PUS7: variants seen among roughly 807,000 people sequenced by gnomAD.
PUS7 encodes pseudouridine synthase 7, also known as pseudouridylate synthase 7 homolog.
Under a neutral mutation model 79.8 loss-of-function variants are expected in PUS7, and 48 were observed. The observed-to-expected ratio is 0.60, with a 90% CI of 0.48 to 0.76. PUS7 has a LOEUF of 0.76. Ranked by LOEUF, PUS7 falls within the 30% of genes least tolerant of loss-of-function variation. The pLI, the probability that PUS7 is intolerant of heterozygous loss-of-function variation, is 0.00. For synonymous variants in PUS7, 286 were observed against 272.2 expected, an observed-to-expected ratio of 1.05 and a Z score of -0.50; for missense variants, 729 against 797.6, an observed-to-expected ratio of 0.91 and a Z score of 1.04.
intron 14 of PUS7, among the ~76,000 whole-genome samples, chr7:105,461,573 T>TA (rs1423173822): frequency 1.3e-5 from 2 of 152,152 alleles, no homozygotes; most frequent in African/African-American, 4.8e-5. Context: ...GCAGTAGTGG[T>TA]AACAATAGTA....
chr7:105,462,391 T>C, intron 14 of PUS7: 1 of 445,580 alleles, frequency 2.2e-6, no homozygotes, highest in Non-Finnish European at 3.9e-6. Flanking sequence ...GAGATCATGC[T>C]ATTGTGCTCC....
intron 4 of PUS7, among the ~76,000 whole-genome samples, chr7:105,503,689 G>C (rs1400573447): frequency 6.6e-6 from 1 of 151,950 alleles, no homozygotes; most frequent in South Asian, 2.1e-4. Flanking sequence ...CTGGAGTGCA[G>C]TGATGCGACC....
Position 105,490,365 on chromosome 7 carries a change from T to C in PUS7, c.920+1175A>G, listed in dbSNP as rs73716798. On this transcript the variant is annotated intron_variant, in intron 7 of 15. Coordinates refer to ENST00000469408, the MANE Select transcript of PUS7 (RefSeq NM_019042.5). ...CCACCATTCCTTGCCTCTGGAGGTA[T>C]ACTAATAAGACAGCCTAAATGTGTC... Among the ~76,000 whole-genome samples the C allele has an allele frequency of 2.1e-3, 315 of 152,238 alleles. 1 individual carries two copies. The highest frequency in any genetic ancestry group is 7.4e-3 in the African/African-American group (306 of 41,552).
intron 8 of PUS7, among the ~76,000 whole-genome samples, chr7:105,481,463 G>GT (rs1223443668): frequency 6.6e-6 from 1 of 152,116 alleles, no homozygotes; most frequent in Non-Finnish European, 1.5e-5. Flanking sequence ...CGATGACCTT[G>GT]AGCAGTAGGA....
rs1264890888 is a variant in PUS7, at chr7:105,508,114, C to A, written c.398+1G>T. On this transcript the variant is annotated splice_donor_variant, in intron 2 of 15. Transcript: ENST00000469408. LOFTEE classifies it high-confidence loss of function. ...TAACTTTATTCATAAACTAAATGTA[C>A]CTTTCTTTTAAGATTCCCGAGAACC... The A allele has an allele frequency of 6.2e-7, 1 of 1,607,656 alleles. No homozygotes were observed. Among genetic ancestry groups the A allele is most frequent in the Non-Finnish European group, 8.5e-7 (1 of 1,176,750 alleles).
At chr7:105,507,171 G>A (rs1374061409) in intron 2 of PUS7, among the ~76,000 whole-genome samples, 7 of 151,776 alleles carry the variant, frequency 4.6e-5, no homozygotes, top group African/African-American at 1.2e-4. Context: ...TCAGCCTACC[G>A]AGTAGCTGGG....
intron 14 of PUS7, chr7:105,462,234 C>T (rs879942773): frequency 2.1e-4 from 36 of 169,172 alleles, no homozygotes; most frequent in Non-Finnish European, 3.5e-4. Flanking sequence ...GAGTTTGACA[C>T]CAGCCTGGCC....
intron 9 of PUS7, among the ~76,000 whole-genome samples, chr7:105,480,625 AATT>A (rs1824282678): frequency 6.6e-6 from 1 of 151,952 alleles, no homozygotes; most frequent in Non-Finnish European, 1.5e-5. Context: ...AAAAATGCAA[AATT>A]AGCCAGTCAT....
chr7:105,467,435 G>A (rs1441537947), intron 12 of PUS7, among the ~76,000 whole-genome samples: 3 of 151,420 alleles, frequency 2.0e-5, no homozygotes, highest in African/African-American at 2.4e-5. Context: ...GACTACAGGC[G>A]CCTGCCACCA....
At chr7:105,513,664 C>A (rs1367075054) in intron 1 of PUS7, among the ~76,000 whole-genome samples, 2 of 148,686 alleles carry the variant, frequency 1.3e-5, no homozygotes, top group Non-Finnish European at 3.0e-5. Flanking sequence ...GGTGAAACCC[C>A]GTCTCTACTA....
chr7:105,504,525 T>C (rs887360042), intron 4 of PUS7, among the ~76,000 whole-genome samples: 11 of 152,350 alleles, frequency 7.2e-5, no homozygotes, highest in Middle Eastern at 3.4e-3. Flanking sequence ...AATACATGTT[T>C]AGACCTCAAA....
At chr7:105,482,160 C>T in intron 8 of PUS7, 152 bp downstream of exon 8, 1 of 890,910 alleles carries the variant, frequency 1.1e-6, no homozygotes, top group Non-Finnish European at 1.7e-6. Context: ...ATCTGCTCTC[C>T]CAGCCCTGCC....
At chr7:105,471,062 C>T (rs1823855738) in intron 10 of PUS7, among the ~76,000 whole-genome samples, 1 of 152,196 alleles carries the variant, frequency 6.6e-6, no homozygotes, top group Non-Finnish European at 1.5e-5. Context: ...ACCCTCAGGT[C>T]AAAAGTAAAA....
intron 9 of PUS7, among the ~76,000 whole-genome samples, chr7:105,475,463 G>A (rs551999181): frequency 6.6e-6 from 1 of 151,696 alleles, no homozygotes; most frequent in Admixed American, 6.6e-5. Context: ...GGGATTACAG[G>A]CGTCAGCCAC....
chr7:105,519,614 G>A (rs1178896445), intron 1 of PUS7, among the ~76,000 whole-genome samples: 2 of 152,190 alleles, frequency 1.3e-5, no homozygotes, highest in Non-Finnish European at 2.9e-5. Flanking sequence ...AATATTTACT[G>A]AGCAAGTGTC....
intron 7 of PUS7, among the ~76,000 whole-genome samples, chr7:105,485,102 G>A (rs369051537): frequency 3.6e-4 from 54 of 151,854 alleles, no homozygotes; most frequent in Non-Finnish European, 6.6e-4. Flanking sequence ...TGATCTTCCC[G>A]CCTCAGCCCC....
chr7:105,503,602 C>CAATG (rs1278029042), intron 4 of PUS7, among the ~76,000 whole-genome samples: 1 of 152,072 alleles, frequency 6.6e-6, no homozygotes, highest in Non-Finnish European at 1.5e-5. Flanking sequence ...ATACTATTTG[C>CAATG]AATGCACAAG....
chr7:105,492,687 A>C (rs1350241163), intron 6 of PUS7, among the ~76,000 whole-genome samples: 3 of 151,144 alleles, frequency 2.0e-5, no homozygotes, highest in Non-Finnish European at 4.4e-5. Context: ...TTGTATTTTT[A>C]GTAGAGACGG....
Position 105,481,194 on chromosome 7 carries a change from T to G in PUS7, c.1050-17A>C, listed in dbSNP as rs771361071. 18 of 1,597,410 alleles carry G rather than the reference T, an allele frequency of 1.1e-5. No homozygotes were observed. In the South Asian group the frequency reaches 1.9e-4, roughly 17 times the overall value. On this transcript the variant is annotated splice_polypyrimidine_tract_variant and intron_variant, in intron 8 of 15. Transcript: ENST00000469408. ...GTTATATTTCTACAGGGACACAAATTATCCAGAGGAAAAAAAGTTACAGTC... is the reference window on the plus strand; with the variant it reads ...GTTATATTTCTACAGGGACACAAATGATCCAGAGGAAAAAAAGTTACAGTC...
Sources: gnomAD v4.1 joint callset for allele counts (sites outside exome capture counted in the v4.1 genomes callset) on GRCh38, gnomAD v4.1.1 for gene constraint, MANE v1.5 for transcripts, NCBI Gene and HGNC (gene_info 2026-07-23, HGNC 2026-07-21) for gene names.